The following POLA1 variants were observed in gnomAD, a reference collection of about 807,000 sequenced individuals.
POLA1 encodes the protein DNA polymerase alpha 1, catalytic subunit.
In POLA1, 15 loss-of-function variants were observed where a neutral mutation model predicts 124.0. The ratio of observed to expected loss-of-function variants is 0.12; its 90% CI spans 0.08 to 0.19. The LOEUF (loss-of-function observed/expected upper bound fraction) is 0.19, where lower values mean the gene tolerates loss of function less well. Among genes scored for constraint, POLA1 ranks in the 10% least tolerant of loss-of-function variants. The pLI, the probability that POLA1 is intolerant of heterozygous loss-of-function variation, is 1.00. For missense variants in POLA1, 886 were observed against 1,103.4 expected, an observed-to-expected ratio of 0.80 and a Z score of 2.79; for synonymous variants, 408 against 389.4, an observed-to-expected ratio of 1.05 and a Z score of -0.56.
chrX:24,725,318 C>T (rs1173518188), intron 12 of POLA1, among the ~76,000 whole-genome samples: 1 of 107,410 alleles, frequency 9.3e-6, no homozygotes, highest in Non-Finnish European at 1.9e-5. Flanking sequence ...CCTCAGCCTC[C>T]TGAGTAGCTG....
At chrX:24,867,104 A>T (rs1022888309) in intron 34 of POLA1, among the ~76,000 whole-genome samples, 1 of 111,169 alleles carries the variant, frequency 9.0e-6, no homozygotes, top group Non-Finnish European at 1.9e-5. Flanking sequence ...TTTAATTTGC[A>T]TAAGTGATTT....
chrX:24,923,349 G>A (rs1301950751), intron 35 of POLA1, among the ~76,000 whole-genome samples: 2 of 111,500 alleles, frequency 1.8e-5, no homozygotes, highest in East Asian at 5.5e-4. Flanking sequence ...TAATAATTAG[G>A]TTTTAATTAC....
chrX:24,724,680 A>G (rs1930424637), intron 12 of POLA1, among the ~76,000 whole-genome samples: 1 of 112,714 alleles, frequency 8.9e-6, no homozygotes, highest in South Asian at 3.6e-4. Flanking sequence ...TTGAATAGAA[A>G]GACAATCCAT....
intron 2 of POLA1, among the ~76,000 whole-genome samples, chrX:24,703,038 A>C (rs1186407191): frequency 8.9e-6 from 1 of 112,249 alleles, no homozygotes; most frequent in Non-Finnish European, 1.9e-5. Flanking sequence ...TTAATATCTT[A>C]TGTTAACACC....
chrX:24,809,171 A>C (rs903465900), intron 26 of POLA1, among the ~76,000 whole-genome samples: 1 of 111,011 alleles, frequency 9.0e-6, no homozygotes, highest in African/African-American at 3.3e-5. Context: ...CCCCCCCGAC[A>C]CACACACTTT....
At chrX:24,994,539 G>A (rs1346150726) in intron 36 of POLA1, among the ~76,000 whole-genome samples, 2 of 112,170 alleles carry the variant, frequency 1.8e-5, no homozygotes, top group African/African-American at 6.5e-5. Context: ...GGGGGCGGAG[G>A]CCTCACCTCA....
chrX:24,846,781 G>A (rs1281272130), intron 34 of POLA1, among the ~76,000 whole-genome samples: 2 of 111,645 alleles, frequency 1.8e-5, no homozygotes, highest in Non-Finnish European at 3.8e-5. Context: ...GATTCACAAA[G>A]GCTAAGAATT....
intron 34 of POLA1, among the ~76,000 whole-genome samples, chrX:24,860,033 G>C (rs765417647): frequency 1.8e-5 from 2 of 112,362 alleles, no homozygotes; most frequent in Non-Finnish European, 3.8e-5. Context: ...CACAGGTGTG[G>C]TATTGATCTT....
At chrX:24,992,356 T>A (rs1035949833) in intron 36 of POLA1, among the ~76,000 whole-genome samples, 2 of 112,316 alleles carry the variant, frequency 1.8e-5, no homozygotes, top group Non-Finnish European at 3.8e-5. Context: ...TGGGAAGCCA[T>A]GCAATTAAAA....
intron 26 of POLA1, among the ~76,000 whole-genome samples, chrX:24,807,148 A>G (rs1274554051): frequency 8.9e-6 from 1 of 112,216 alleles, no homozygotes; most frequent in Non-Finnish European, 1.9e-5. Context: ...GAAGGTTGCC[A>G]GTTCACATTG....
chrX:24,802,723 C>T (rs1002391997), intron 26 of POLA1, among the ~76,000 whole-genome samples: 9 of 111,987 alleles, frequency 8.0e-5, no homozygotes, highest in Admixed American at 6.6e-4. Context: ...TGGGGCCAGG[C>T]GTGGTGGCTC....
intron 36 of POLA1, among the ~76,000 whole-genome samples, chrX:24,964,945 G>T (rs2048206357): frequency 8.9e-6 from 1 of 112,096 alleles, no homozygotes; most frequent in East Asian, 2.8e-4. Flanking sequence ...GCTAAATCCT[G>T]TGCTGGTAAG....
At chrX:24,771,407 G>A (rs1448538353) in intron 26 of POLA1, among the ~76,000 whole-genome samples, 2 of 111,426 alleles carry the variant, frequency 1.8e-5, no homozygotes, top group African/African-American at 6.5e-5. Context: ...CCTGAAGGTG[G>A]GATTCTTTAG....
intron 34 of POLA1, among the ~76,000 whole-genome samples, chrX:24,863,481 T>C (rs1333366073): frequency 9.0e-6 from 1 of 111,711 alleles, no homozygotes; most frequent in African/African-American, 3.3e-5. Context: ...CCGAAATAAT[T>C]GAGGGAATAC....
intron 13 of POLA1, among the ~76,000 whole-genome samples, chrX:24,726,319 T>C (rs1280985004): frequency 8.9e-6 from 1 of 112,314 alleles, no homozygotes; most frequent in Admixed American, 9.4e-5. Flanking sequence ...TCAAGTGGAA[T>C]GAATGCCACA....
At chrX:24,814,897 T>G in intron 29 of POLA1, 82 bp from the exon 30 acceptor site, 1 of 876,329 alleles carries the variant, frequency 1.1e-6, no homozygotes, top group Non-Finnish European at 1.5e-6. Context: ...ATGGCATTTC[T>G]CTTCCTTCTT....
intron 34 of POLA1, among the ~76,000 whole-genome samples, chrX:24,850,740 G>A: frequency 8.9e-6 from 1 of 111,848 alleles, no homozygotes; most frequent in Middle Eastern, 4.6e-3. Flanking sequence ...TCCCACATAT[G>A]GATATCCACC....
At chrX:24,810,941 T>C in intron 28 of POLA1, 141 bp downstream of exon 28, 2 of 389,462 alleles carry the variant, frequency 5.1e-6, no homozygotes, top group Non-Finnish European at 9.0e-6. Context: ...TCTTCTATTT[T>C]TCTGTCTTTC....
At chrX:24,813,095 G>A (rs936776412) in intron 29 of POLA1, among the ~76,000 whole-genome samples, 4 of 111,229 alleles carry the variant, frequency 3.6e-5, no homozygotes, top group African/African-American at 1.3e-4. Context: ...TCTAAGATAC[G>A]TCTCATGAGT....
Sources: allele counts gnomAD v4.1 joint callset (sites outside exome capture counted in the v4.1 genomes callset), GRCh38; gene constraint gnomAD v4.1.1; transcripts MANE v1.5; gene names NCBI Gene and HGNC (gene_info 2026-07-23, HGNC 2026-07-21).